The following LIMCH1 variants were observed in gnomAD, a reference collection of about 807,000 sequenced individuals.
LIMCH1 encodes LIM and calponin homology domains 1, also known as LIM and calponin homology domains-containing protein 1.
Under a neutral mutation model 176.5 loss-of-function variants are expected in LIMCH1, and 113 were observed. That is an observed-to-expected ratio of 0.64 (90% CI 0.55 to 0.75). The LOEUF (loss-of-function observed/expected upper bound fraction) is 0.75. LIMCH1 is among the 30% of genes least tolerant of loss of function. LIMCH1 has a pLI of 0.00. For synonymous variants in LIMCH1, 619 were observed against 645.9 expected, an observed-to-expected ratio of 0.96 and a Z score of 0.63; for missense variants, 1,674 against 1,814.9, an observed-to-expected ratio of 0.92 and a Z score of 1.41.
chr4:41,541,108 G>A (rs1416408143), intron 1 of LIMCH1, among the ~76,000 whole-genome samples: 3 of 152,150 alleles, frequency 2.0e-5, no homozygotes, highest in African/African-American at 7.2e-5. Flanking sequence ...TGTAGACGTG[G>A]GCATTGGATT....
At chr4:41,549,667 C>T (rs1014124003) in intron 1 of LIMCH1, among the ~76,000 whole-genome samples, 3 of 152,028 alleles carry the variant, frequency 2.0e-5, no homozygotes, top group East Asian at 1.9e-4. Flanking sequence ...TCCTAACCAC[C>T]GTGTTCCAAG....
intron 1 of LIMCH1, among the ~76,000 whole-genome samples, chr4:41,432,499 G>C (rs1015456712): frequency 6.6e-6 from 1 of 152,112 alleles, no homozygotes; most frequent in South Asian, 2.1e-4. Flanking sequence ...AAACAAATAG[G>C]CTGTACCTTC....
chr4:41,370,291 G>A (rs1057183808), intron 1 of LIMCH1, among the ~76,000 whole-genome samples: 1 of 152,104 alleles, frequency 6.6e-6, no homozygotes, highest in South Asian at 2.1e-4. Flanking sequence ...GGGAAAGATA[G>A]AGCACTTCCA....
chr4:41,467,898 G>A (rs1341833609), intron 1 of LIMCH1, among the ~76,000 whole-genome samples: 2 of 152,186 alleles, frequency 1.3e-5, no homozygotes, highest in African/African-American at 4.8e-5. Context: ...TACATTGGAA[G>A]CATTGACACG....
intron 1 of LIMCH1, among the ~76,000 whole-genome samples, chr4:41,445,157 C>T (rs559599909): frequency 1.6e-4 from 24 of 152,080 alleles, no homozygotes; most frequent in South Asian, 8.3e-4. Flanking sequence ...AGGTGCACAC[C>T]GCCACGCCTG....
chr4:41,381,859 G>C lies in LIMCH1; in HGVS notation c.96+20923G>C, dbSNP rs2055721440. 1.3e-5 allele frequency among the ~76,000 whole-genome samples: 2 copies of C among 152,074 alleles called. 1 individual carries two copies. Among genetic ancestry groups the C allele is most frequent in the South Asian group, 4.1e-4 (2 of 4,824 alleles). ...CTCAGCAGAAGCACTTTGACATTAG[G>C]GGTTGGATCATTGTGTTTTGGGGAG... On this transcript the variant is annotated intron_variant, in intron 1 of 26. Transcript: ENST00000313860.
chr4:41,525,743 A>G (rs896484129), intron 3 of LIMCH1, among the ~76,000 whole-genome samples: 1 of 151,986 alleles, frequency 6.6e-6, no homozygotes, highest in Non-Finnish European at 1.5e-5. Context: ...TAAGTATTAT[A>G]TATCAGTGTA....
At chr4:41,422,376 C>A (rs781693997) in intron 1 of LIMCH1, among the ~76,000 whole-genome samples, 1 of 151,994 alleles carries the variant, frequency 6.6e-6, no homozygotes, top group Non-Finnish European at 1.5e-5. Context: ...TTAGTAGTGA[C>A]GAGGTTTCAC....
intron 30 of LIMCH1, 155 bp downstream of exon 30, chr4:41,689,790 C>T (rs867309810): frequency 2.6e-4 from 142 of 541,474 alleles, no homozygotes; most frequent in Middle Eastern, 5.6e-4. Flanking sequence ...TGAAACTCAC[C>T]TATCACGAAT....
At chr4:41,361,051 G>C in intron 1 of LIMCH1, 2 of 623,534 alleles carry the variant, frequency 3.2e-6, no homozygotes. Flanking sequence ...ACTTTCTTTT[G>C]CCAGCTGCTC....
At chr4:41,447,297 G>A (rs1034380635) in intron 1 of LIMCH1, among the ~76,000 whole-genome samples, 2 of 152,192 alleles carry the variant, frequency 1.3e-5, no homozygotes, top group African/African-American at 2.4e-5. Context: ...TGCATTTCAA[G>A]AGGAGCGAGT....
At chr4:41,491,769 G>A (rs531623910) in intron 1 of LIMCH1, among the ~76,000 whole-genome samples, 47 of 151,080 alleles carry the variant, frequency 3.1e-4, no homozygotes, top group African/African-American at 1.1e-3. Flanking sequence ...CCCATTCGGG[G>A]CAGCCGGGCA....
chr4:41,467,114 T>A (rs2066233451), intron 1 of LIMCH1, among the ~76,000 whole-genome samples: 1 of 151,504 alleles, frequency 6.6e-6, no homozygotes, highest in African/African-American at 2.4e-5. Flanking sequence ...GCCTTCTTTT[T>A]AAAAGCTGAG....
At chr4:41,458,175 A>T (rs7675090) in intron 1 of LIMCH1, among the ~76,000 whole-genome samples, 11,899 of 152,080 alleles carry the variant, frequency 0.078, 1,115 homozygotes, top group African/African-American at 0.22. Context: ...CAAAATTTTT[A>T]AAAAAATGGA....
Position 41,367,687 on chromosome 4 carries a change from A to C in LIMCH1, c.96+6751A>C, listed in dbSNP as rs77558159. 4.7e-5 allele frequency among the ~76,000 whole-genome samples: 7 copies of C among 149,028 alleles called. No individual in the cohort carries two copies. In the East Asian group the frequency reaches 9.8e-4, roughly 21 times the overall value. The stretch of plus-strand genomic sequence containing the variant: ...AACCCTGTCTCTACTAAAAATCCAA[A>C]AAAAAAAAAAAAAAAAAAAGGAAAG... On this transcript the variant is annotated intron_variant, in intron 1 of 26. Transcript: ENST00000313860.
In LIMCH1 at chr4:41,603,796, T is replaced by C. The variant is rs1487408143; in HGVS notation, c.-133-79T>C. On this transcript the variant is annotated intron_variant, in intron 2 of 31. Transcript: ENST00000503057. ...ATTATATATGTTAGCTTCAAGTACA[T>C]CTTAGTGGCATTTAAGGAAAGGTCA... is the stretch of plus-strand genomic sequence containing the variant. 3.2e-6 allele frequency: 3 copies of C among 939,310 alleles called. No homozygotes were observed. The East Asian group carries it at 7.2e-5, about 23-fold the overall frequency. 58.2% of individuals were successfully genotyped at this position (939,310 alleles called of 1,614,324 possible).
chr4:41,369,677 T>G (rs1250091866), intron 1 of LIMCH1, among the ~76,000 whole-genome samples: 1 of 152,022 alleles, frequency 6.6e-6, no homozygotes, highest in Non-Finnish European at 1.5e-5. Flanking sequence ...ATCACGAATT[T>G]TTTTTGTGTG....
At chr4:41,592,307 A>C (rs761615596) in intron 1 of LIMCH1, among the ~76,000 whole-genome samples, 4 of 152,158 alleles carry the variant, frequency 2.6e-5, no homozygotes, top group Non-Finnish European at 4.4e-5. Context: ...CCATGCAAGG[A>C]TTTATTTCTG....
At chr4:41,498,911 G>T (rs951236296) in intron 2 of LIMCH1, among the ~76,000 whole-genome samples, 7 of 150,970 alleles carry the variant, frequency 4.6e-5, no homozygotes, top group African/African-American at 1.7e-4. Flanking sequence ...TGCTAAGAAT[G>T]TGTTTTATGT....
Sources: allele counts gnomAD v4.1 joint callset (sites outside exome capture counted in the v4.1 genomes callset), GRCh38; gene constraint gnomAD v4.1.1; transcripts MANE v1.5; gene names NCBI Gene and HGNC (gene_info 2026-07-23, HGNC 2026-07-21).